PHF21B: variants seen among roughly 807,000 people sequenced by gnomAD.
The protein encoded by PHF21B is PHD finger protein 21B.
In PHF21B, 22 loss-of-function variants were observed where a neutral mutation model predicts 62.2. The observed-to-expected ratio is 0.35, with a 90% CI of 0.25 to 0.51. The LOEUF is 0.51. Ranked by LOEUF, PHF21B falls within the 20% of genes least tolerant of loss-of-function variation. The pLI, the probability that PHF21B is intolerant of heterozygous loss-of-function variation, is 0.97. For missense variants in PHF21B, 701 were observed against 707.9 expected (o/e 0.99, Z 0.11); for synonymous variants, 341 against 314.7 (o/e 1.08, Z -0.88).
intron 9 of PHF21B, 56 bp from the exon 10 acceptor site, chr22:44,888,177 C>G (rs747924167): frequency 1.4e-6 from 2 of 1,431,944 alleles, no homozygotes; most frequent in East Asian, 2.8e-5. Context: ...CAGCGGGGGC[C>G]GGTCAGCCAG....
At chr22:44,933,627 G>T (rs1436661189) in intron 2 of PHF21B, 1 of 757,112 alleles carries the variant, frequency 1.3e-6, no homozygotes, top group African/African-American at 1.9e-5. Context: ...AGTGGGGTGG[G>T]GGAGCCGTCT....
chr22:44,953,182 C>T (rs1048756353), intron 2 of PHF21B, among the ~76,000 whole-genome samples: 2 of 152,180 alleles, frequency 1.3e-5, no homozygotes, highest in African/African-American at 4.8e-5. Flanking sequence ...CACTGAGGCC[C>T]GCAGCTGGGG....
chr22:44,934,872 C>T (rs1035977381), intron 2 of PHF21B, among the ~76,000 whole-genome samples: 6 of 152,198 alleles, frequency 3.9e-5, no homozygotes, highest in Admixed American at 6.5e-5. Flanking sequence ...CCAGACCCAC[C>T]GAAAGCTCAG....
chr22:44,976,983 C>T (rs1317233790), intron 2 of PHF21B, among the ~76,000 whole-genome samples: 1 of 151,774 alleles, frequency 6.6e-6, no homozygotes, highest in African/African-American at 2.4e-5. Context: ...ACAAAAGATG[C>T]AAAAAAGGTG....
At chr22:44,981,057 G>C (rs1027904808) in intron 2 of PHF21B, among the ~76,000 whole-genome samples, 2 of 152,212 alleles carry the variant, frequency 1.3e-5, no homozygotes, top group African/African-American at 4.8e-5. Context: ...CGGAGCTGCT[G>C]TCTGCAGAGA....
intron 2 of PHF21B, among the ~76,000 whole-genome samples, chr22:44,978,782 C>G (rs2147469656): frequency 6.6e-6 from 1 of 152,340 alleles, no homozygotes; most frequent in African/African-American, 2.4e-5. Context: ...AGGAGCTAAC[C>G]AATCTCCTGG....
intron 2 of PHF21B, among the ~76,000 whole-genome samples, chr22:44,998,820 C>T (rs2073163428): frequency 6.6e-6 from 1 of 152,178 alleles, no homozygotes; most frequent in Non-Finnish European, 1.5e-5. Context: ...CTCCTGGCTG[C>T]ACCTCGGGAA....
At chr22:44,927,676 G>T (rs897888746) in intron 2 of PHF21B, among the ~76,000 whole-genome samples, 1 of 152,094 alleles carries the variant, frequency 6.6e-6, no homozygotes, top group Non-Finnish European at 1.5e-5. Flanking sequence ...ACCCGAGTGC[G>T]TTCTTCCACT....
intron 2 of PHF21B, chr22:44,933,516 G>C: frequency 5.1e-6 from 5 of 985,438 alleles, no homozygotes; most frequent in Non-Finnish European, 4.8e-6. Context: ...TTCTGCCCGC[G>C]ATCTGGGGAA....
intron 2 of PHF21B, among the ~76,000 whole-genome samples, chr22:44,994,928 C>T (rs915371275): frequency 6.6e-6 from 1 of 152,248 alleles, no homozygotes; most frequent in Non-Finnish European, 1.5e-5. Flanking sequence ...CAGCCTGCAG[C>T]GGCAGCATCT....
At chr22:44,910,642 T>C (rs1402806697) in intron 5 of PHF21B, among the ~76,000 whole-genome samples, 1 of 152,230 alleles carries the variant, frequency 6.6e-6, no homozygotes, top group East Asian at 1.9e-4. Context: ...TGCTCCTTCT[T>C]TCCTTCTGCC....
At chr22:44,949,385 C>T (rs2072149614) in intron 2 of PHF21B, among the ~76,000 whole-genome samples, 1 of 151,814 alleles carries the variant, frequency 6.6e-6, no homozygotes, top group Non-Finnish European at 1.5e-5. Context: ...GGCCCTGGCT[C>T]TATCTCTTTC....
At position 44,884,820 on chromosome 22, in the gene PHF21B, CCAT is replaced by C. The variant is rs764911590; in HGVS notation, c.1377+603_1377+605del. On this transcript the variant is annotated intron_variant, in intron 12 of 12. Transcript: ENST00000313237. ...CAACACCATATCATCATCACCATCA[CCAT>C]CATCACCACCACCACCATTATCATA... 1.3e-3 allele frequency among the ~76,000 whole-genome samples: 197 copies of C among 151,996 alleles called. 1 individual carries two copies. Among genetic ancestry groups the C allele is most frequent in the Non-Finnish European group, 1.3e-3 (91 of 67,928 alleles).
At chr22:44,952,875 A>G (rs1017396019) in intron 2 of PHF21B, among the ~76,000 whole-genome samples, 5 of 152,208 alleles carry the variant, frequency 3.3e-5, no homozygotes, top group African/African-American at 1.2e-4. Flanking sequence ...GACAAAAGGC[A>G]GGATTCAGCC....
At chr22:44,892,846 G>C (rs1447277770) in intron 7 of PHF21B, among the ~76,000 whole-genome samples, 3 of 152,162 alleles carry the variant, frequency 2.0e-5, no homozygotes, top group Non-Finnish European at 4.4e-5. Context: ...TTCTCCCTGG[G>C]GACATGCTCA....
chr22:44,963,772 C>A (rs537480233), intron 2 of PHF21B, among the ~76,000 whole-genome samples: 34 of 152,344 alleles, frequency 2.2e-4, no homozygotes, highest in African/African-American at 7.9e-4. Context: ...CAAACACCAC[C>A]AAAGTTCGGA....
chr22:45,001,049 A>C (rs1801674069), intron 2 of PHF21B: 1 of 152,216 alleles, frequency 6.6e-6, no homozygotes, highest in Non-Finnish European at 1.5e-5. Context: ...CTGGGCCGTG[A>C]ACCCCCGTGT....
intron 2 of PHF21B, among the ~76,000 whole-genome samples, chr22:44,929,075 T>G (rs975128718): frequency 1.3e-5 from 2 of 152,254 alleles, no homozygotes; most frequent in Non-Finnish European, 2.9e-5. Flanking sequence ...AGCACGGCAA[T>G]TTAATTGCTT....
At chr22:44,929,746 G>T (rs561204627) in intron 2 of PHF21B, among the ~76,000 whole-genome samples, 1 of 152,246 alleles carries the variant, frequency 6.6e-6, no homozygotes, top group Non-Finnish European at 1.5e-5. Context: ...CACTTGAGTC[G>T]TTCCAATGGT....
Sources: allele counts gnomAD v4.1 joint callset (sites outside exome capture counted in the v4.1 genomes callset), GRCh38; gene constraint gnomAD v4.1.1; transcripts MANE v1.5; gene names NCBI Gene and HGNC (gene_info 2026-07-23, HGNC 2026-07-21).